Variants in DND1 observed in about 807,000 individuals in gnomAD.
DND1 encodes DND microRNA-mediated repression inhibitor 1, also known as dead end protein homolog 1.
DND1 carries 6 observed loss-of-function variants against 30.4 expected under a neutral mutation model. The ratio of observed to expected loss-of-function variants is 0.20; its 90% CI spans 0.11 to 0.39. DND1 has a LOEUF of 0.39. Among genes scored for constraint, DND1 ranks in the 10% least tolerant of loss-of-function variants. DND1 has a pLI of 1.00. For synonymous variants in DND1, 178 were observed against 210.4 expected (o/e 0.85, Z 1.33); for missense variants, 358 against 474.9 (o/e 0.75, Z 2.29).
At chr5:140,673,166 TA>T in intron 2 of DND1, 104 bp downstream of exon 2, 1 of 1,323,176 alleles carries the variant, frequency 7.6e-7, no homozygotes, top group Non-Finnish European at 1.1e-6. Flanking sequence ...CTGGGGGGTA[TA>T]AATCCGGGTA....
intron 3 of DND1, chr5:140,671,985 G>T (rs1236014548): frequency 1.8e-5 from 11 of 606,786 alleles, no homozygotes; most frequent in South Asian, 1.4e-4. Flanking sequence ...TGCAGGCTTT[G>T]TCTGCCTCAT....
In DND1 at chr5:140,673,488, C is replaced by A. The variant is rs571609012; in HGVS notation, c.24+31G>T. 3 of 1,607,868 alleles carry A rather than the reference C, an allele frequency of 1.9e-6. No homozygotes were observed. In the East Asian group the frequency reaches 6.7e-5, roughly 36 times the overall value. ...AAAGCCGACCCCCGCTCCGGCGGGG[C>A]TCGCCGGCCCCCAAGTCGCCAGCCG... On this transcript the variant is annotated intron_variant, in intron 1 of 3. Transcript: ENST00000542735.
At chr5:140,672,351 G>T (rs1758104591) in intron 3 of DND1, 94 bp downstream of exon 3, 5 of 1,338,094 alleles carry the variant, frequency 3.7e-6, no homozygotes, top group Non-Finnish European at 5.1e-6. Flanking sequence ...TGGCATGTTT[G>T]ACTCTAAGAT....
rs1758061922 is a variant in DND1 at position 140,671,150 on chromosome 5, G to A, written c.*143C>T. ...CTGCCCCCAGGTGCCATAGGTCCCTGTCCCAGCAGGGAGGCTGATGGGCCT... is the reference window on the plus strand; with the variant it reads ...CTGCCCCCAGGTGCCATAGGTCCCTATCCCAGCAGGGAGGCTGATGGGCCT... On this transcript the variant is annotated 3_prime_UTR_variant, in exon 4 of 4. Coordinates refer to ENST00000542735, the MANE Select transcript of DND1 (RefSeq NM_194249.3). The A allele has an allele frequency of 2.8e-6, 3 of 1,073,214 alleles. No individual in the cohort carries two copies. The African/African-American group carries it at 4.7e-5, about 17-fold the overall frequency. 66.5% of individuals were successfully genotyped at this position (1,073,214 alleles called of 1,614,324 possible).
chr5:140,673,430 C>G (rs777079971), intron 1 of DND1, 42 bp from the exon 2 acceptor site: 5 of 1,613,628 alleles, frequency 3.1e-6, no homozygotes, highest in African/African-American at 1.3e-5. Flanking sequence ...TCGCCAAGCG[C>G]GCCCCCACCT....
At chr5:140,671,833 T>C (rs779667066) in intron 3 of DND1, 83 bp from the exon 4 acceptor site, 32 of 1,423,660 alleles carry the variant, frequency 2.2e-5, no homozygotes, top group Non-Finnish European at 2.9e-5. Flanking sequence ...AGCTACACAG[T>C]CCTGTTATTT....
intron 3 of DND1, 63 bp from the exon 4 acceptor site, chr5:140,671,813 A>G: frequency 6.7e-7 from 1 of 1,501,928 alleles, no homozygotes; most frequent in South Asian, 1.2e-5. Flanking sequence ...CCAGGTGGTG[A>G]GCCCTTTGGA....
chr5:140,672,719 G>T lies in DND1; in HGVS notation c.330C>A (p.Gly110=). The change falls in exon 3 of 4, where the codon GGC becomes GGA. Residue 110 remains glycine (G), a synonymous_variant. Coordinates refer to ENST00000542735, the MANE Select transcript of DND1 (RefSeq NM_194249.3). Reference sequence around the variant, plus strand: ...GCAGCGTGGCGATGGCGGCCTGCGCGCCGCGCCTCGAGCTGTAGCGGGCAT... The same window carrying T: ...GCAGCGTGGCGATGGCGGCCTGCGCTCCGCGCCTCGAGCTGTAGCGGGCAT... ...FAYARYSSRR[G]AQAAIATLHN... 1 of 1,580,712 alleles carries T rather than the reference G, an allele frequency of 6.3e-7. No homozygotes were observed.
chr5:140,671,193 C>T lies in DND1; in HGVS notation c.*100G>A. Reference sequence around the variant, plus strand: ...ATGGGCCTGGGCCCATGCCCCTCCCCACCTTTGGGGGTCAGAAAGTGGCCA... The same window carrying T: ...ATGGGCCTGGGCCCATGCCCCTCCCTACCTTTGGGGGTCAGAAAGTGGCCA... On this transcript the variant is annotated 3_prime_UTR_variant, in exon 4 of 4. Transcript: ENST00000542735. The T allele has an allele frequency of 6.7e-7, 1 of 1,499,846 alleles. No homozygotes were observed. Among genetic ancestry groups the T allele is most frequent in the East Asian group, 2.3e-5 (1 of 44,046 alleles). 92.9% of individuals were successfully genotyped at this position (1,499,846 alleles called of 1,614,324 possible).
chr5:140,673,168 A>C (rs1758140167), intron 2 of DND1, 103 bp downstream of exon 2: 1 of 1,341,112 alleles, frequency 7.5e-7, no homozygotes, highest in Admixed American at 1.7e-5. Context: ...GGGGGGTATA[A>C]ATCCGGGTAG....
chr5:140,671,836 T>C lies in DND1; in HGVS notation c.605-86A>G. On this transcript the variant is annotated intron_variant, in intron 3 of 3. Coordinates refer to ENST00000542735, the MANE Select transcript of DND1 (RefSeq NM_194249.3). Reference sequence around the variant, plus strand: ...TGAGCCCTTTGGAGCTACACAGTCCTGTTATTTGTAGCCTTCCCATTTCCT... The same window carrying C: ...TGAGCCCTTTGGAGCTACACAGTCCCGTTATTTGTAGCCTTCCCATTTCCT... The C allele has an allele frequency of 2.8e-6, 4 of 1,408,348 alleles. No individual in the cohort carries two copies. The East Asian group carries it at 1.0e-4, about 35-fold the overall frequency. 87.2% of individuals were successfully genotyped at this position (1,408,348 alleles called of 1,614,324 possible).
chr5:140,673,485 G>T, intron 1 of DND1, 34 bp downstream of exon 1: 1 of 1,608,380 alleles, frequency 6.2e-7, no homozygotes, highest in Non-Finnish European at 8.5e-7. Flanking sequence ...CGCTCCGGCG[G>T]GGCTCGCCGG....
chr5:140,673,147 C>T, intron 2 of DND1, 124 bp downstream of exon 2: 8 of 1,179,924 alleles, frequency 6.8e-6, no homozygotes, highest in Non-Finnish European at 1.0e-5. Flanking sequence ...AGCCACAGTT[C>T]CTCCTTTGCT....
rs781704770 is a variant in DND1, at chr5:140,672,698, C to G, written c.351G>C (p.Thr117=). Residue 117 remains threonine, a synonymous_variant, in exon 3 of 4, where the codon ACG becomes ACC. Coordinates refer to ENST00000542735, the MANE Select transcript of DND1 (RefSeq NM_194249.3). ...SRRGAQAAIA[T]LHNHPLRPSC... The stretch of plus-strand genomic sequence containing the variant: ...ACGGCCGCAGCGGATGGTTGTGCAG[C>G]GTGGCGATGGCGGCCTGCGCGCCGC... The G allele has an allele frequency of 1.9e-6, 3 of 1,580,912 alleles. No homozygotes were observed. In the East Asian group the frequency reaches 6.8e-5, roughly 36 times the overall value.
chr5:140,672,126 G>A (rs987650776), intron 3 of DND1: 4 of 547,326 alleles, frequency 7.3e-6, no homozygotes, highest in Non-Finnish European at 1.3e-5. Flanking sequence ...GTAGTAAAAA[G>A]CTCAGTTGGA....
chr5:140,673,470 A>ACCCCCGCTCCGGCGGGGCTCGCCGG (rs1364721403), intron 1 of DND1, 49 bp downstream of exon 1: 4 of 1,611,112 alleles, frequency 2.5e-6, no homozygotes, highest in African/African-American at 2.7e-5. Context: ...CCTAAAGCCG[A>ACCCCCGCTCCGGCGGGGCTCGCCGG]CCCCCGCTCC....
chr5:140,673,552 G>A lies in DND1; in HGVS notation c.-10C>T, dbSNP rs765155320. On this transcript the variant is annotated 5_prime_UTR_variant, in exon 1 of 4. Coordinates refer to ENST00000542735, the MANE Select transcript of DND1 (RefSeq NM_194249.3). The stretch of plus-strand genomic sequence containing the variant: ...CCCGCTTGGACTGCATGGCTCTCCA[G>A]CTGGCCCCCTCGTACCCTCTTTATA... The A allele has an allele frequency of 3.2e-6, 5 of 1,573,434 alleles. No individual in the cohort carries two copies. Among genetic ancestry groups the A allele is most frequent in the Non-Finnish European group, 4.3e-6 (5 of 1,158,818 alleles).
At position 140,671,755 on chromosome 5, in the gene DND1, AG is replaced by A; in HGVS notation, c.605-6del. 1 of 1,566,238 alleles carries A rather than the reference AG, an allele frequency of 6.4e-7. No individual in the cohort carries two copies. Among genetic ancestry groups the A allele is most frequent in the Non-Finnish European group, 8.7e-7 (1 of 1,154,640 alleles). On this transcript the variant is annotated splice_region_variant and splice_polypyrimidine_tract_variant and intron_variant, in intron 3 of 3. Transcript: ENST00000542735. ...CTCCACAGAGGTGTGACTGCCCTGTAGGAAAAATGCAAAGACAAGGGCAGGT... is the reference window on the plus strand; with the variant it reads ...CTCCACAGAGGTGTGACTGCCCTGTAGAAAAATGCAAAGACAAGGGCAGGT...
chr5:140,671,834 C>T, intron 3 of DND1, 84 bp from the exon 4 acceptor site: 1 of 1,423,746 alleles, frequency 7.0e-7, no homozygotes, highest in Non-Finnish European at 9.7e-7. Context: ...GCTACACAGT[C>T]CTGTTATTTG....
Sources: gnomAD v4.1 joint callset for allele counts on GRCh38, gnomAD v4.1.1 for gene constraint, MANE v1.5 for transcripts, NCBI Gene and HGNC (gene_info 2026-07-23, HGNC 2026-07-21) for gene names.